The following SSBP4 variants were observed in gnomAD, a reference collection of about 807,000 sequenced individuals.
SSBP4 encodes the protein single-stranded DNA-binding protein 4.
A neutral mutation model predicts 64.6 loss-of-function variants in SSBP4; 33 were observed. That is an observed-to-expected ratio of 0.51 (90% CI 0.39 to 0.68). SSBP4 has a LOEUF of 0.68. SSBP4 is among the 30% of genes least tolerant of loss of function. SSBP4 has a pLI of 0.00. For synonymous variants in SSBP4, 243 were observed against 224.0 expected, an observed-to-expected ratio of 1.08 and a Z score of -0.76; for missense variants, 583 against 566.8, an observed-to-expected ratio of 1.03 and a Z score of -0.29.
chr19:18,404,586 T>A, the SSBP4 span, among the ~76,000 whole-genome samples: 4 of 130,330 alleles, frequency 3.1e-5, no homozygotes, highest in African/African-American at 1.2e-4. Flanking sequence ...AGAGCGAGAC[T>A]CTGTCTCAAA....
intron 4 of SSBP4, among the ~76,000 whole-genome samples, chr19:18,428,649 C>G (rs1310928581): frequency 6.6e-6 from 1 of 152,188 alleles, no homozygotes; most frequent in Non-Finnish European, 1.5e-5. Context: ...GAGGTGCCGG[C>G]TCTGCCGGTG....
chr19:18,426,909 G>A lies in SSBP4; in HGVS notation c.60-442G>A, dbSNP rs1455482227. 6.6e-6 allele frequency among the ~76,000 whole-genome samples: 1 copy of A among 152,144 alleles called. No individual in the cohort carries two copies. The highest frequency in any genetic ancestry group is 1.5e-5 in the Non-Finnish European group (1 of 68,002). On this transcript the variant is annotated intron_variant, in intron 1 of 17. Transcript: ENST00000270061. The surrounding 1 kb of genome is among the most constrained non-coding windows in gnomAD (Gnocchi z 4.5). Reference sequence around the variant, plus strand: ...AGAGATGGGGTCCAGGGACTGCAGGGGATGTGGGGTGGAGGACCCCTTCCC... The same window carrying A: ...AGAGATGGGGTCCAGGGACTGCAGGAGATGTGGGGTGGAGGACCCCTTCCC...
In SSBP4 at chr19:18,434,219, C is replaced by T. The variant is rs765460564; in HGVS notation, c.1131C>T (p.Tyr377=). 7 of 1,611,810 alleles carry T rather than the reference C, an allele frequency of 4.3e-6. No individual in the cohort carries two copies. Among genetic ancestry groups the T allele is most frequent in the Non-Finnish European group, 4.2e-6 (5 of 1,179,586 alleles). ...GCTGCCCCCTCCTCTCTCCGCAGTA[C>T]TCGCCAGGGATGACCATGAGCGTGT... The part of the protein sequence containing the change: ...TFLHPFPSES[Y]SPGMTMSV Residue 377 remains tyrosine (Y), a splice_region_variant and synonymous_variant, in exon 18 of 18, where the codon TAC becomes TAT. Transcript: ENST00000270061.
chr19:18,432,058 C>T lies in SSBP4; in HGVS notation c.624C>T (p.Ser208=), dbSNP rs1460729411. The T allele has an allele frequency of 3.1e-6, 5 of 1,589,652 alleles. No individual in the cohort carries two copies. The highest frequency in any genetic ancestry group is 1.1e-5 in the South Asian group (1 of 88,854). ...QRVTPPRGMA[S]VGPQSYGGGM... is the part of the protein sequence containing the mutation. ...TGACGCCTCCTCGTGGCATGGCCAGCGTGGGGCCCCAGGTAAGAGTGGAGC... is the reference window on the plus strand; with the variant it reads ...TGACGCCTCCTCGTGGCATGGCCAGTGTGGGGCCCCAGGTAAGAGTGGAGC... The change falls in exon 9 of 18, where the codon AGC becomes AGT. Residue 208 remains serine (S), a synonymous_variant. Coordinates refer to ENST00000270061, the MANE Select transcript of SSBP4 (RefSeq NM_032627.5).
chr19:18,422,018 G>T (rs567938548), intron 1 of SSBP4, among the ~76,000 whole-genome samples: 1 of 152,076 alleles, frequency 6.6e-6, no homozygotes, highest in Non-Finnish European at 1.5e-5. Context: ...AAAATTAGCC[G>T]GGCATGGTGG....
the SSBP4 span, among the ~76,000 whole-genome samples, chr19:18,410,657 G>C: frequency 6.6e-6 from 1 of 151,898 alleles, no homozygotes; most frequent in Non-Finnish European, 1.5e-5. Context: ...GCAAGGGCAA[G>C]GTCAAGAGAG....
At position 18,423,858 on chromosome 19, in the gene SSBP4, G is replaced by A. The variant is rs1277535041; in HGVS notation, c.60-3493G>A. 6.6e-6 allele frequency among the ~76,000 whole-genome samples: 1 copy of A among 152,160 alleles called. No individual in the cohort carries two copies. Among genetic ancestry groups the A allele is most frequent in the Non-Finnish European group, 1.5e-5 (1 of 68,018 alleles). On this transcript the variant is annotated intron_variant, in intron 1 of 17. Coordinates refer to ENST00000270061, the MANE Select transcript of SSBP4 (RefSeq NM_032627.5). This position sits in a 1 kb window ranked among gnomAD's most constrained non-coding sequence, Gnocchi z 4.0. ...CATAGGTGACAGGCCCTGAGAGGTT[G>A]TACCGGCCCAGGGCAGGTGGCCGGT...
At position 18,427,223 on chromosome 19, in the gene SSBP4, G is replaced by A. The variant is rs890523801; in HGVS notation, c.60-128G>A. 5.6e-6 allele frequency: 5 copies of A among 892,524 alleles called. No individual in the cohort carries two copies. In the African/African-American group the frequency reaches 6.6e-5, roughly 12 times the overall value. The allele number at this position is 892,524 out of a possible 1,614,324, so 55.3% of individuals were successfully genotyped here. ...CTGCAGGACATAGATGGATAACTAT[G>A]AGCTGTCCCTGCTGAGCAGCTGGTG... is the stretch of plus-strand genomic sequence containing the variant. On this transcript the variant is annotated intron_variant, in intron 1 of 17. Transcript: ENST00000270061. This position sits in a 1 kb window ranked among gnomAD's most constrained non-coding sequence, Gnocchi z 4.4.
chr19:18,433,547 A>C (rs1194325432), intron 15 of SSBP4, 38 bp from the exon 16 acceptor site: 9 of 1,545,058 alleles, frequency 5.8e-6, no homozygotes, highest in Non-Finnish European at 7.0e-6. Context: ...TGGCGCCAGC[A>C]CGTCTGAGCC....
chr19:18,422,353 G>A (rs543276723), intron 1 of SSBP4, among the ~76,000 whole-genome samples: 16 of 152,244 alleles, frequency 1.1e-4, no homozygotes, highest in East Asian at 9.7e-4. Context: ...CACTGGCCTC[G>A]GGACTCAAGG....
chr19:18,433,963 C>A (rs936151767), intron 17 of SSBP4, 146 bp downstream of exon 17: 1 of 1,179,904 alleles, frequency 8.5e-7, no homozygotes, highest in Non-Finnish European at 1.1e-6. Context: ...TCCTTTCCCT[C>A]TCCTCAACCT....
In SSBP4 at chr19:18,427,455, C is replaced by A; in HGVS notation, c.132+32C>A. ...CACCACCTCCAGGCTGGCCCTCCCT[C>A]CTCACCCACACTCCGGGGGTCCTTC... On this transcript the variant is annotated intron_variant, in intron 2 of 17. Transcript: ENST00000270061. The surrounding 1 kb of genome is among the most constrained non-coding windows in gnomAD (Gnocchi z 4.4). 6.2e-7 allele frequency: 1 copy of A among 1,603,844 alleles called. No individual in the cohort carries two copies. The highest frequency in any genetic ancestry group is 8.5e-7 in the Non-Finnish European group (1 of 1,178,364).
intron 4 of SSBP4, among the ~76,000 whole-genome samples, chr19:18,429,190 C>G: frequency 6.6e-6 from 1 of 152,070 alleles, no homozygotes. Context: ...CCTTGCCCGC[C>G]GAGCCTGCAC....
chr19:18,405,625 C>CAGCCTCCAGAGTA, the SSBP4 span, among the ~76,000 whole-genome samples: 1 of 152,150 alleles, frequency 6.6e-6, no homozygotes, highest in Non-Finnish European at 1.5e-5. Flanking sequence ...CCTCCCACCT[C>CAGCCTCCAGAGTA]AGCCTCCAGA....
At chr19:18,403,774 T>C in the SSBP4 span, among the ~76,000 whole-genome samples, 226 of 151,348 alleles carry the variant, frequency 1.5e-3, 3 homozygotes, top group South Asian at 0.017. Flanking sequence ...AGTCTTGGGG[T>C]CTGGGGCCCC....
At chr19:18,409,138 T>A in the SSBP4 span, among the ~76,000 whole-genome samples, 1 of 151,520 alleles carries the variant, frequency 6.6e-6, no homozygotes, top group Non-Finnish European at 1.5e-5. Flanking sequence ...ATAAAGGAGA[T>A]TAGACAGTAA....
At position 18,427,865 on chromosome 19, in the gene SSBP4, C is replaced by G. The variant is rs752920037; in HGVS notation, c.195-33C>G. 1.4e-5 allele frequency: 23 copies of G among 1,613,906 alleles called. No individual in the cohort carries two copies. In the South Asian group the frequency reaches 2.4e-4, roughly 17 times the overall value. On this transcript the variant is annotated intron_variant, in intron 3 of 17. Coordinates refer to ENST00000270061, the MANE Select transcript of SSBP4 (RefSeq NM_032627.5). The surrounding 1 kb of genome is among the most constrained non-coding windows in gnomAD (Gnocchi z 4.4). The stretch of plus-strand genomic sequence containing the variant: ...CTGTGGAAGGGGGTTGAGGGAGGCA[C>G]GTGGAGCAACCATCTTCCCCTTTGG...
At chr19:18,417,588 A>G (rs1374643144), upstream of SSBP4, among the ~76,000 whole-genome samples, 1 of 151,940 alleles carries the variant, frequency 6.6e-6, no homozygotes, top group African/African-American at 2.4e-5. The surrounding 1 kb of genome is among the most constrained non-coding windows in gnomAD (Gnocchi z 5.4). Context: ...GCCGAAGCCC[A>G]CGCCCCCCGT....
chr19:18,433,511 CGTT>C, intron 15 of SSBP4, 71 bp from the exon 16 acceptor site: 1 of 1,531,776 alleles, frequency 6.5e-7, no homozygotes, highest in Non-Finnish European at 8.8e-7. Context: ...TTGCGAGGGT[CGTT>C]GGCCCCTGGA....
Sources: allele counts gnomAD v4.1 joint callset (sites outside exome capture counted in the v4.1 genomes callset), GRCh38; gene constraint gnomAD v4.1.1; non-coding constraint Gnocchi (gnomAD v3.1); transcripts MANE v1.5; gene names NCBI Gene and HGNC (gene_info 2026-07-23, HGNC 2026-07-21).